The following DOK6 variants were observed in gnomAD, a reference collection of about 807,000 sequenced individuals.
DOK6 encodes docking protein 6.
Under a neutral mutation model 44.0 loss-of-function variants are expected in DOK6, and 22 were observed. The ratio of observed to expected loss-of-function variants is 0.50; its 90% CI spans 0.36 to 0.71. The LOEUF (loss-of-function observed/expected upper bound fraction) is 0.71. Among genes scored for constraint, DOK6 ranks in the 30% least tolerant of loss-of-function variants. The probability of loss-of-function intolerance (pLI) is 0.00; values close to 1 mark genes in which losing one functional copy is unlikely to be tolerated. For missense variants in DOK6, 340 were observed against 416.4 expected (o/e 0.82, Z 1.60); for synonymous variants, 166 against 145.5 (o/e 1.14, Z -1.01).
intron 1 of DOK6, among the ~76,000 whole-genome samples, chr18:69,521,455 A>AAAC (rs1356281182): frequency 3.3e-5 from 5 of 150,886 alleles, no homozygotes; most frequent in Non-Finnish European, 7.4e-5. Flanking sequence ...TTAAAAAAAA[A>AAAC]AAACATGTGA....
chr18:69,714,958 A>G, intron 5 of DOK6, among the ~76,000 whole-genome samples: 1 of 152,294 alleles, frequency 6.6e-6, no homozygotes, highest in Middle Eastern at 3.4e-3. Context: ...TACTTTGTAT[A>G]TTTATTTAAT....
intron 1 of DOK6, among the ~76,000 whole-genome samples, chr18:69,460,169 A>C (rs1979748905): frequency 6.6e-6 from 1 of 152,204 alleles, no homozygotes; most frequent in Admixed American, 6.5e-5. Context: ...CTCATTACTA[A>C]GGAATGACAA....
At chr18:69,441,403 G>T (rs559959121) in intron 1 of DOK6, among the ~76,000 whole-genome samples, 10 of 152,052 alleles carry the variant, frequency 6.6e-5, no homozygotes, top group African/African-American at 2.4e-4. Context: ...AAACATTTTT[G>T]CAATTTAAAA....
intron 2 of DOK6, among the ~76,000 whole-genome samples, chr18:69,583,752 C>CAAAAAA (rs36222332): frequency 2.6e-4 from 37 of 143,734 alleles, no homozygotes; most frequent in African/African-American, 5.6e-4. Flanking sequence ...TCCATCCATA[C>CAAAAAA]AAAAAAAAAA....
chr18:69,608,781 C>T (rs1397905802), intron 3 of DOK6, among the ~76,000 whole-genome samples: 5 of 151,936 alleles, frequency 3.3e-5, no homozygotes, highest in African/African-American at 7.3e-5. Flanking sequence ...GAAACCCCGT[C>T]TCTACTAAAA....
intron 2 of DOK6, among the ~76,000 whole-genome samples, chr18:69,597,598 T>A (rs1983773984): frequency 6.6e-6 from 1 of 152,164 alleles, no homozygotes; most frequent in African/African-American, 2.4e-5. Context: ...TTTAAAAGTG[T>A]AGTCAACAAG....
intron 5 of DOK6, among the ~76,000 whole-genome samples, chr18:69,710,442 C>T (rs902734784): frequency 1.3e-5 from 2 of 152,182 alleles, no homozygotes; most frequent in African/African-American, 4.8e-5. Context: ...CCAATCCAAA[C>T]CTCACAGTGC....
intron 1 of DOK6, among the ~76,000 whole-genome samples, chr18:69,526,024 T>C (rs1490513700): frequency 2.6e-5 from 4 of 152,190 alleles, no homozygotes; most frequent in Admixed American, 6.6e-5. Context: ...TATTTTAAAA[T>C]ACAACTACAC....
chr18:69,576,073 A>C (rs1983230924), intron 2 of DOK6, among the ~76,000 whole-genome samples: 1 of 152,158 alleles, frequency 6.6e-6, no homozygotes, highest in East Asian at 1.9e-4. Flanking sequence ...TTTCTTCAGA[A>C]GTGTACATTG....
intron 7 of DOK6, among the ~76,000 whole-genome samples, chr18:69,814,390 G>T (rs1981334639): frequency 6.6e-6 from 1 of 152,090 alleles, no homozygotes; most frequent in African/African-American, 2.4e-5. Flanking sequence ...GGCCCCTTCA[G>T]GTGGATAGAT....
intron 5 of DOK6, among the ~76,000 whole-genome samples, chr18:69,708,562 G>A (rs1329886361): frequency 6.6e-6 from 1 of 152,124 alleles, no homozygotes; most frequent in Non-Finnish European, 1.5e-5. Flanking sequence ...CGAGGCAGGG[G>A]GATCATGATG....
chr18:69,565,828 C>T (rs1315508881), intron 2 of DOK6, among the ~76,000 whole-genome samples: 2 of 152,144 alleles, frequency 1.3e-5, no homozygotes, highest in Non-Finnish European at 1.5e-5. Context: ...ATGTCATAAA[C>T]AGCCAGCATA....
At chr18:69,782,614 G>A (rs1395507680) in intron 7 of DOK6, among the ~76,000 whole-genome samples, 1 of 151,268 alleles carries the variant, frequency 6.6e-6, no homozygotes, top group Non-Finnish European at 1.5e-5. Context: ...TTAAACTCTT[G>A]CAAGACAGGT....
At position 69,547,040 on chromosome 18, in the gene DOK6, G is replaced by A. The variant is rs976037172; in HGVS notation, c.67-17447G>A. Reference sequence around the variant, plus strand: ...GAAGTGGGAGCAGACATGTTTTCACGTGGAAAAAGCAGGAACAAGAGAGAT... The same window carrying A: ...GAAGTGGGAGCAGACATGTTTTCACATGGAAAAAGCAGGAACAAGAGAGAT... On this transcript the variant is annotated intron_variant, in intron 1 of 7. Coordinates refer to ENST00000382713, the MANE Select transcript of DOK6 (RefSeq NM_152721.6). Among the ~76,000 whole-genome samples, 19 of 151,472 alleles carry A rather than the reference G, an allele frequency of 1.3e-4. 1 individual carries two copies. Among genetic ancestry groups the A allele is most frequent in the African/African-American group, 2.4e-4 (10 of 41,360 alleles).
At chr18:69,435,774 C>G (rs1398819105) in intron 1 of DOK6, among the ~76,000 whole-genome samples, 2 of 152,054 alleles carry the variant, frequency 1.3e-5, no homozygotes, top group Non-Finnish European at 2.9e-5. Flanking sequence ...ATATTATGTG[C>G]TACAAGGAAA....
intron 1 of DOK6, among the ~76,000 whole-genome samples, chr18:69,535,619 T>C (rs1338550074): frequency 6.6e-6 from 1 of 151,978 alleles, no homozygotes; most frequent in African/African-American, 2.4e-5. Flanking sequence ...ATATATATGA[T>C]AATGGACATT....
At chr18:69,419,367 T>C (rs1313880603) in intron 1 of DOK6, among the ~76,000 whole-genome samples, 1 of 152,102 alleles carries the variant, frequency 6.6e-6, no homozygotes, top group Non-Finnish European at 1.5e-5. Context: ...ATAAATAAAG[T>C]CCCAAATAAA....
At chr18:69,769,240 A>C (rs1321757327) in intron 7 of DOK6, among the ~76,000 whole-genome samples, 1 of 152,032 alleles carries the variant, frequency 6.6e-6, no homozygotes, top group Non-Finnish European at 1.5e-5. Flanking sequence ...TTAGTACAAA[A>C]TTTCTTACTG....
intron 1 of DOK6, among the ~76,000 whole-genome samples, chr18:69,534,997 A>C (rs955165180): frequency 3.9e-5 from 6 of 152,020 alleles, no homozygotes; most frequent in Admixed American, 3.3e-4. Flanking sequence ...AGTTTCCTTC[A>C]TTTAGGCTTT....
Sources: gnomAD v4.1 joint callset for allele counts (sites outside exome capture counted in the v4.1 genomes callset) on GRCh38, gnomAD v4.1.1 for gene constraint, MANE v1.5 for transcripts, NCBI Gene and HGNC (gene_info 2026-07-23, HGNC 2026-07-21) for gene names.